MYO1D: variants seen among roughly 807,000 people sequenced by gnomAD.
MYO1D encodes unconventional myosin-Id.
MYO1D carries 83 observed loss-of-function variants against 122.0 expected under a neutral mutation model. The observed-to-expected ratio is 0.68, with a 90% CI of 0.57 to 0.82. The LOEUF is 0.82. MYO1D is among the 40% of genes least tolerant of loss of function. The probability of loss-of-function intolerance (pLI) is 0.00; values close to 1 mark genes in which losing one functional copy is unlikely to be tolerated. For synonymous variants in MYO1D, 464 were observed against 446.9 expected (o/e 1.04, Z -0.48); for missense variants, 1,157 against 1,269.5 (o/e 0.91, Z 1.35).
intron 21 of MYO1D, among the ~76,000 whole-genome samples, chr17:32,584,446 A>G (rs2087368440): frequency 6.6e-6 from 1 of 151,974 alleles, no homozygotes; most frequent in African/African-American, 2.4e-5. Context: ...ATTTTCAAGT[A>G]TACAGTTCAG....
chr17:32,623,259 T>C (rs11657307), intron 20 of MYO1D, among the ~76,000 whole-genome samples: 16,320 of 152,296 alleles, frequency 0.11, 995 homozygotes, highest in Non-Finnish European at 0.14. Flanking sequence ...ATCCTTCTAA[T>C]GTTTATTATA....
At chr17:32,741,723 T>C (rs1370036740) in intron 13 of MYO1D, among the ~76,000 whole-genome samples, 2 of 152,206 alleles carry the variant, frequency 1.3e-5, no homozygotes. Flanking sequence ...TCCATATCCA[T>C]GGCTTCCACA....
intron 1 of MYO1D, among the ~76,000 whole-genome samples, chr17:32,874,423 G>C (rs527697721): frequency 2.0e-5 from 3 of 152,188 alleles, no homozygotes; most frequent in African/African-American, 7.2e-5. Flanking sequence ...GCTCACGGCA[G>C]CTTTGAACTC....
intron 1 of MYO1D, among the ~76,000 whole-genome samples, chr17:32,825,246 T>A (rs1178570003): frequency 6.6e-6 from 1 of 152,196 alleles, no homozygotes; most frequent in East Asian, 1.9e-4. Flanking sequence ...AGGGTATTTA[T>A]TATTTCAGGA....
chr17:32,686,138 A>G (rs2089002939), intron 16 of MYO1D: 1 of 152,280 alleles, frequency 6.6e-6, no homozygotes, highest in Admixed American at 6.5e-5. Flanking sequence ...ACAAAAAAAC[A>G]AAAACAAACA....
rs374909103 is a variant in MYO1D, at chr17:32,779,096, T to C, written c.305-523A>G. 1.0e-3 allele frequency among the ~76,000 whole-genome samples: 153 copies of C among 152,034 alleles called. 3 individuals are homozygous for C. In the South Asian group the frequency reaches 0.025, roughly 25 times the overall value. On this transcript the variant is annotated intron_variant, in intron 2 of 21. Coordinates refer to ENST00000318217, the MANE Select transcript of MYO1D (RefSeq NM_015194.3). ...AGGTATCATAGAAAAAGCATGACAA[T>C]TGGGATAATGCTGGGGGATGGGGAA...
intron 16 of MYO1D, among the ~76,000 whole-genome samples, chr17:32,691,323 G>A (rs1440605032): frequency 6.7e-6 from 1 of 149,462 alleles, no homozygotes; most frequent in Non-Finnish European, 1.5e-5. Context: ...ATAGCCAATC[G>A]CTCTTCATCT....
At chr17:32,874,897 A>G (rs2091215708) in intron 1 of MYO1D, among the ~76,000 whole-genome samples, 1 of 152,162 alleles carries the variant, frequency 6.6e-6, no homozygotes, top group Non-Finnish European at 1.5e-5. Context: ...TAAAAAAAAA[A>G]GCAGAAATTC....
intron 21 of MYO1D, among the ~76,000 whole-genome samples, chr17:32,583,432 A>C (rs141426629): frequency 6.6e-6 from 1 of 152,146 alleles, no homozygotes; most frequent in East Asian, 1.9e-4. Context: ...AATTTGGAAA[A>C]ATTTCAGCCA....
At chr17:32,818,125 C>CAGAAAAAAAAAAAAAAAA (rs2090628974) in intron 1 of MYO1D, among the ~76,000 whole-genome samples, 1 of 46,018 alleles carries the variant, frequency 2.2e-5, no homozygotes, top group South Asian at 8.3e-4. Context: ...GACTCCGTCT[C>CAGAAAAAAAAAAAAAAAA]AAAAAAAAAA....
intron 16 of MYO1D, among the ~76,000 whole-genome samples, chr17:32,710,726 G>A (rs1412527501): frequency 6.6e-6 from 1 of 152,170 alleles, no homozygotes; most frequent in Non-Finnish European, 1.5e-5. Flanking sequence ...AGGCATTTCT[G>A]CTAATCAACA....
intron 21 of MYO1D, chr17:32,496,364 C>T (rs10853149): frequency 0.57 from 86,599 of 152,142 alleles, 25,808 homozygotes; most frequent in Middle Eastern, 0.67. Context: ...CAGGAAGAGA[C>T]CCCGGTTGTC....
intron 1 of MYO1D, among the ~76,000 whole-genome samples, chr17:32,820,205 T>C (rs2090648188): frequency 6.6e-6 from 1 of 152,212 alleles, no homozygotes; most frequent in African/African-American, 2.4e-5. Context: ...GAAAACAGTA[T>C]GTAGGTTCCT....
chr17:32,675,615 A>C (rs768051119), intron 16 of MYO1D, among the ~76,000 whole-genome samples: 4 of 152,120 alleles, frequency 2.6e-5, no homozygotes, highest in Non-Finnish European at 4.4e-5. Context: ...AAATAAATTT[A>C]TATCTTCTTA....
At chr17:32,872,853 C>T (rs564849104) in intron 1 of MYO1D, among the ~76,000 whole-genome samples, 10 of 151,816 alleles carry the variant, frequency 6.6e-5, no homozygotes, top group Non-Finnish European at 1.3e-4. Context: ...CCCGCCACCG[C>T]GCCCGGCTAA....
intron 21 of MYO1D, among the ~76,000 whole-genome samples, chr17:32,592,630 A>G (rs1470102600): frequency 2.0e-5 from 3 of 152,056 alleles, no homozygotes; most frequent in Non-Finnish European, 2.9e-5. Flanking sequence ...GTCAAAATCC[A>G]TATAGCACCT....
In MYO1D at chr17:32,721,190, C is replaced by T. The variant is rs776405447; in HGVS notation, c.1747-1G>A. On this transcript the variant is annotated splice_acceptor_variant, in intron 14 of 21. Transcript: ENST00000318217. LOFTEE classifies it high-confidence loss of function. ...TGATGCAACGAACGTAATATGGTTC[C>T]TAAAGAAATAAATCAGCAAATGGTA... 9.9e-6 allele frequency: 16 copies of T among 1,611,548 alleles called. No homozygotes were observed.
intron 1 of MYO1D, among the ~76,000 whole-genome samples, chr17:32,856,134 T>C (rs72817003): frequency 0.078 from 11,810 of 152,174 alleles, 586 homozygotes; most frequent in East Asian, 0.16. Flanking sequence ...ACAGCAGCTA[T>C]ACTATGGTCA....
chr17:32,874,887 T>TAA (rs1003878942), intron 1 of MYO1D, among the ~76,000 whole-genome samples: 9 of 148,996 alleles, frequency 6.0e-5, no homozygotes, highest in Non-Finnish European at 1.2e-4. Flanking sequence ...CTTAATGCTT[T>TAA]AAAAAAAAAA....
Sources: allele counts gnomAD v4.1 joint callset (sites outside exome capture counted in the v4.1 genomes callset), GRCh38; gene constraint gnomAD v4.1.1; transcripts MANE v1.5; gene names NCBI Gene and HGNC (gene_info 2026-07-23, HGNC 2026-07-21).